The following PTGIS variants were observed in gnomAD, a reference collection of about 807,000 sequenced individuals.
PTGIS encodes prostacyclin synthase.
Under a neutral mutation model 50.3 loss-of-function variants are expected in PTGIS, and 45 were observed. The ratio of observed to expected loss-of-function variants is 0.90; its 90% CI spans 0.70 to 1.15. The LOEUF (loss-of-function observed/expected upper bound fraction) is 1.15, where lower values mean the gene tolerates loss of function less well. Among genes scored for constraint, PTGIS ranks in the 50% most tolerant of loss-of-function variants. PTGIS has a pLI of 0.00. For missense variants in PTGIS, 668 were observed against 661.3 expected, an observed-to-expected ratio of 1.01 and a Z score of -0.11; for synonymous variants, 260 against 267.7, an observed-to-expected ratio of 0.97 and a Z score of 0.28.
rs1290817393 is a variant in PTGIS at position 49,511,106 on chromosome 20, A to T, written c.1280T>A (p.Leu427Gln). Reference protein sequence around the residue: ...KKDFYKDGKRLKNYNMPWGAG... With the variant: ...KKDFYKDGKRQKNYNMPWGAG... ...CCCCCAGGGCATGTTGTAATTCTTC[A>T]GCCGTTTCCCATCCTTGTAAAAGTC... Residue 427 changes from leucine (L) to glutamine (Q), a missense_variant, in exon 9 of 10, where the codon CTG becomes CAG. Leu to Gln is a moderately radical substitution (Grantham distance 113). Coordinates refer to ENST00000244043, the MANE Select transcript of PTGIS (RefSeq NM_000961.4). 15 of 1,614,094 alleles carry T rather than the reference A, an allele frequency of 9.3e-6. No individual in the cohort carries two copies. Among genetic ancestry groups the T allele is most frequent in the African/African-American group, 2.7e-5 (2 of 74,948 alleles).
At chr20:49,508,219 C>T (rs769039641) in intron 9 of PTGIS, among the ~76,000 whole-genome samples, 155 bp from the exon 10 acceptor site, 1 of 152,232 alleles carries the variant, frequency 6.6e-6, no homozygotes, top group Non-Finnish European at 1.5e-5. Flanking sequence ...GCATTTGCTG[C>T]TCACCACATT....
At chr20:49,551,092 A>C (rs1029302782) in intron 1 of PTGIS, among the ~76,000 whole-genome samples, 5 of 152,140 alleles carry the variant, frequency 3.3e-5, no homozygotes, top group African/African-American at 2.4e-5. Context: ...CTGTAGTCCC[A>C]GTTACTCGGG....
chr20:49,538,319 T>C (rs189618596), intron 5 of PTGIS, among the ~76,000 whole-genome samples: 1 of 145,420 alleles, frequency 6.9e-6, no homozygotes, highest in Admixed American at 6.9e-5. Flanking sequence ...ATCTCAGCAC[T>C]TTGGGAGGCC....
intron 9 of PTGIS, among the ~76,000 whole-genome samples, chr20:49,508,988 G>A (rs1981237228): frequency 6.6e-6 from 1 of 152,350 alleles, no homozygotes; most frequent in South Asian, 2.1e-4. Flanking sequence ...ATGCAGCACT[G>A]AGCACATGGT....
intron 1 of PTGIS, among the ~76,000 whole-genome samples, chr20:49,551,232 T>A (rs1982499500): frequency 6.6e-6 from 1 of 152,118 alleles, no homozygotes; most frequent in Non-Finnish European, 1.5e-5. Flanking sequence ...AAATTTAACC[T>A]GAAAGACTGG....
In PTGIS at chr20:49,513,230, T is replaced by C; in HGVS notation, c.1056A>G (p.Thr352=). The change falls in exon 8 of 10, where the codon ACA becomes ACG. Residue 352 remains threonine (T), a synonymous_variant. Transcript: ENST00000244043. ...CCTCGCGGGTGATGAAGGGGGCAGC[T>C]GTAAGCCTGAGGCTCTCACTCAGCA... ...DSVLSESLRL[T]AAPFITREVV... The C allele has an allele frequency of 6.2e-7, 1 of 1,613,924 alleles. No homozygotes were observed. The highest frequency in any genetic ancestry group is 1.3e-5 in the African/African-American group (1 of 75,016).
chr20:49,544,362 G>GCTT lies in PTGIS; in HGVS notation c.461_463dup (p.Glu154dup). 5 of 1,614,190 alleles carry GCTT rather than the reference G, an allele frequency of 3.1e-6. No individual in the cohort carries two copies. Among genetic ancestry groups the GCTT allele is most frequent in the Non-Finnish European group, 4.2e-6 (5 of 1,180,034 alleles). Reference sequence around the variant, plus strand: ...ACCCATCTCGTGCCAGCCACTGCCTGCTTCTGTAGCATCGCCCAACAGCAC... The same window carrying GCTT: ...ACCCATCTCGTGCCAGCCACTGCCTGCTTCTTCTGTAGCATCGCCCAACAGCAC... On this transcript the variant is annotated inframe_insertion, in exon 4 of 10. Transcript: ENST00000244043.
chr20:49,526,938 A>G (rs1349533982), intron 5 of PTGIS, among the ~76,000 whole-genome samples: 1 of 152,216 alleles, frequency 6.6e-6, no homozygotes, highest in African/African-American at 2.4e-5. Context: ...AAGTTAAAGA[A>G]TTACCATATG....
At chr20:49,525,753 T>C (rs1351373911) in intron 5 of PTGIS, among the ~76,000 whole-genome samples, 1 of 152,128 alleles carries the variant, frequency 6.6e-6, no homozygotes, top group Non-Finnish European at 1.5e-5. Flanking sequence ...GTGAGAGTCA[T>C]TTTGGATTGC....
At chr20:49,561,291 G>A (rs993350629) in intron 1 of PTGIS, among the ~76,000 whole-genome samples, 1 of 152,188 alleles carries the variant, frequency 6.6e-6, no homozygotes, top group Non-Finnish European at 1.5e-5. Flanking sequence ...TGGGAAGGAT[G>A]GGAGCAGAAG....
Position 49,562,641 on chromosome 20 carries a change from G to A in PTGIS, c.74+5402C>T, listed in dbSNP as rs190996313. 2.2e-3 allele frequency among the ~76,000 whole-genome samples: 334 copies of A among 152,278 alleles called. 3 individuals are homozygous for A. The highest frequency in any genetic ancestry group is 7.6e-3 in the African/African-American group (316 of 41,556). On this transcript the variant is annotated intron_variant, in intron 1 of 9. Transcript: ENST00000244043. ...GGTGGGCCCTGACCTTTCCATCCCCGGCTCCTGCCCACACAGCCGGTTTCC... is the reference window on the plus strand; with the variant it reads ...GGTGGGCCCTGACCTTTCCATCCCCAGCTCCTGCCCACACAGCCGGTTTCC...
chr20:49,560,212 A>G (rs1294733757), intron 1 of PTGIS, among the ~76,000 whole-genome samples: 2 of 152,036 alleles, frequency 1.3e-5, no homozygotes, highest in Non-Finnish European at 2.9e-5. Context: ...GTGAGCCACC[A>G]TGCCCGGCCG....
intron 1 of PTGIS, among the ~76,000 whole-genome samples, chr20:49,565,173 A>C (rs1184155804): frequency 6.7e-6 from 1 of 149,970 alleles, no homozygotes; most frequent in East Asian, 2.0e-4. Flanking sequence ...AGTAGCGATG[A>C]GGTTTCACCG....
intron 6 of PTGIS, among the ~76,000 whole-genome samples, chr20:49,516,697 A>C (rs1981488150): frequency 6.6e-6 from 1 of 152,212 alleles, no homozygotes; most frequent in Non-Finnish European, 1.5e-5. Context: ...TGAGGCCAGG[A>C]GGAACCACAC....
intron 1 of PTGIS, among the ~76,000 whole-genome samples, chr20:49,558,625 T>C (rs1464245062): frequency 2.6e-5 from 4 of 152,138 alleles, no homozygotes; most frequent in Non-Finnish European, 5.9e-5. Context: ...TCAGAGGTGT[T>C]CAAACCAGAG....
At chr20:49,517,421 G>A (rs573209554) in intron 6 of PTGIS, among the ~76,000 whole-genome samples, 1 of 151,844 alleles carries the variant, frequency 6.6e-6, no homozygotes, top group Admixed American at 6.6e-5. Context: ...GACCAAGACC[G>A]CCTTTTACCC....
intron 3 of PTGIS, among the ~76,000 whole-genome samples, chr20:49,545,767 C>T (rs1181482021): frequency 2.0e-5 from 3 of 151,964 alleles, no homozygotes; most frequent in African/African-American, 7.3e-5. Context: ...CCATGGTCAA[C>T]AGCAACACCT....
intron 6 of PTGIS, among the ~76,000 whole-genome samples, chr20:49,521,026 T>G (rs1446021970): frequency 6.6e-6 from 1 of 152,224 alleles, no homozygotes; most frequent in Non-Finnish European, 1.5e-5. Context: ...GATTTTTGTC[T>G]GTTTTGCTCA....
At chr20:49,529,466 C>T (rs919811332) in intron 5 of PTGIS, among the ~76,000 whole-genome samples, 2 of 152,144 alleles carry the variant, frequency 1.3e-5, no homozygotes, top group Non-Finnish European at 2.9e-5. Flanking sequence ...GAATAACATT[C>T]TTTCGTGGAT....
Sources: allele counts gnomAD v4.1 joint callset (sites outside exome capture counted in the v4.1 genomes callset), GRCh38; gene constraint gnomAD v4.1.1; transcripts MANE v1.5; gene names NCBI Gene and HGNC (gene_info 2026-07-23, HGNC 2026-07-21).